The following HECW2 variants were observed in gnomAD, a reference collection of about 807,000 sequenced individuals.
HECW2 encodes the protein E3 ubiquitin-protein ligase HECW2.
HECW2 carries 61 observed loss-of-function variants against 175.2 expected under a neutral mutation model. The ratio of observed to expected loss-of-function variants is 0.35; its 90% CI spans 0.28 to 0.43. The LOEUF is 0.43. Among genes scored for constraint, HECW2 ranks in the 20% least tolerant of loss-of-function variants. The pLI, the probability that HECW2 is intolerant of heterozygous loss-of-function variation, is 1.00. For synonymous variants in HECW2, 671 were observed against 731.0 expected (o/e 0.92, Z 1.32); for missense variants, 1,524 against 2,000.5 (o/e 0.76, Z 4.54).
Position 196,437,976 on chromosome 2 carries a change from TG to T in HECW2, c.-35-4519del, listed in dbSNP as rs373314352. Among the ~76,000 whole-genome samples the T allele has an allele frequency of 9.3e-4, 141 of 152,192 alleles. 2 individuals carry two copies. In the Middle Eastern group the frequency reaches 0.024, roughly 26 times the overall value. On this transcript the variant is annotated intron_variant, in intron 1 of 28. Transcript: ENST00000644978. ...GGCTGGATGGCGAAGAGGAGGCATGTGGGGAGGGCAACATGGATTGAGACAG... is the reference window on the plus strand; with the variant it reads ...GGCTGGATGGCGAAGAGGAGGCATGTGGGAGGGCAACATGGATTGAGACAG...
At chr2:196,525,378 C>T (rs369691038) in intron 1 of HECW2, among the ~76,000 whole-genome samples, 17 of 93,808 alleles carry the variant, frequency 1.8e-4, no homozygotes, top group South Asian at 1.5e-3. Context: ...TGTCTCTGCA[C>T]GTGAGATGGG....
At chr2:196,354,675 T>C (rs769987037) in intron 2 of HECW2, among the ~76,000 whole-genome samples, 9 of 152,224 alleles carry the variant, frequency 5.9e-5, no homozygotes, top group Non-Finnish European at 8.8e-5. Context: ...TTATTCAGTG[T>C]AGAGAAAAAC....
chr2:196,208,460 C>T (rs1687146980), intron 28 of HECW2, among the ~76,000 whole-genome samples: 1 of 152,242 alleles, frequency 6.6e-6, no homozygotes, highest in Non-Finnish European at 1.5e-5. Flanking sequence ...AGATAAGGTA[C>T]TTGTTCTCAC....
At chr2:196,204,416 T>C (rs1227324533) in intron 28 of HECW2, among the ~76,000 whole-genome samples, 1 of 152,194 alleles carries the variant, frequency 6.6e-6, no homozygotes, top group Admixed American at 6.5e-5. Flanking sequence ...CCTTAGGATT[T>C]CTTATTAAAA....
chr2:196,339,637 G>C (rs1692674845), intron 3 of HECW2, among the ~76,000 whole-genome samples: 1 of 152,196 alleles, frequency 6.6e-6, no homozygotes, highest in African/African-American at 2.4e-5. Context: ...AGGAAGAACA[G>C]AAAGCAAATA....
At chr2:196,520,229 T>C (rs912263452) in intron 1 of HECW2, among the ~76,000 whole-genome samples, 4 of 151,722 alleles carry the variant, frequency 2.6e-5, no homozygotes, top group Non-Finnish European at 5.9e-5. Flanking sequence ...AAACTCTGTA[T>C]TATATTTGCA....
At chr2:196,396,687 G>A (rs1694668932) in intron 2 of HECW2, among the ~76,000 whole-genome samples, 1 of 152,176 alleles carries the variant, frequency 6.6e-6, no homozygotes, top group Non-Finnish European at 1.5e-5. Context: ...GCTCTGAAAT[G>A]TTAACAGAGA....
chr2:196,214,958 A>G (rs1008280429), intron 28 of HECW2, among the ~76,000 whole-genome samples: 1 of 152,184 alleles, frequency 6.6e-6, no homozygotes. Context: ...CTATACTTCA[A>G]TTTAGGATAA....
chr2:196,542,265 G>GAAAAAAAAAAAAAAAAAA (rs1181642124), intron 1 of HECW2, among the ~76,000 whole-genome samples: 1 of 92,320 alleles, frequency 1.1e-5, no homozygotes, highest in Non-Finnish European at 2.5e-5. Flanking sequence ...CTCTGTCTCA[G>GAAAAAAAAAAAAAAAAAA]AAAAAAAAAA....
chr2:196,279,755 C>A (rs1315571661), intron 14 of HECW2, among the ~76,000 whole-genome samples: 2 of 152,162 alleles, frequency 1.3e-5, no homozygotes, highest in Non-Finnish European at 2.9e-5. Context: ...TCATCACATA[C>A]CGTCTAGAAC....
chr2:196,210,342 G>A (rs954094745), intron 28 of HECW2, among the ~76,000 whole-genome samples: 1 of 151,948 alleles, frequency 6.6e-6, no homozygotes, highest in Non-Finnish European at 1.5e-5. Context: ...ACTCTAACAT[G>A]TTAACAGAGC....
At position 196,333,577 on chromosome 2, in the gene HECW2, T is replaced by A. The variant is rs139417438; in HGVS notation, c.495+847A>T. The stretch of plus-strand genomic sequence containing the variant: ...GTCATAGGAGTCAGTATTTTTTCTA[T>A]GCTTTCATGACCTCATTTTTAGTAA... On this transcript the variant is annotated intron_variant, in intron 4 of 28. Coordinates refer to ENST00000644978, the MANE Select transcript of HECW2 (RefSeq NM_001348768.2). Among the ~76,000 whole-genome samples, 522 of 152,334 alleles carry A rather than the reference T, an allele frequency of 3.4e-3. 2 individuals are homozygous for A. Among genetic ancestry groups the A allele is most frequent in the Admixed American group, 5.5e-3 (84 of 15,308 alleles).
intron 1 of HECW2, among the ~76,000 whole-genome samples, chr2:196,434,169 G>C (rs950853250): frequency 1.1e-4 from 16 of 152,136 alleles, no homozygotes; most frequent in Non-Finnish European, 2.2e-4. Context: ...CATCTGTTTT[G>C]TTGGCTACTT....
At chr2:196,244,315 T>C (rs1246547528) in intron 19 of HECW2, among the ~76,000 whole-genome samples, 1 of 152,210 alleles carries the variant, frequency 6.6e-6, no homozygotes, top group East Asian at 1.9e-4. Context: ...CTATACCTAG[T>C]CCTATAGATC....
chr2:196,306,479 G>A lies in HECW2; in HGVS notation c.2814+9C>T, dbSNP rs760999166. The stretch of plus-strand genomic sequence containing the variant: ...TTTTCCTTCACACTCTTTCAGATTC[G>A]CTACTCACAGGGTTAGAATGCAGCA... On this transcript the variant is annotated intron_variant, in intron 13 of 28. Transcript: ENST00000644978. 68 of 1,597,514 alleles carry A rather than the reference G, an allele frequency of 4.3e-5. No individual in the cohort carries two copies. The highest frequency in any genetic ancestry group is 5.0e-5 in the Non-Finnish European group (59 of 1,171,952).
chr2:196,331,410 C>A (rs1261470676), intron 4 of HECW2: 1 of 409,762 alleles, frequency 2.4e-6, no homozygotes, highest in Admixed American at 6.4e-5. Context: ...CCCTCGGTAA[C>A]CTGCCATTCC....
chr2:196,434,315 G>A (rs1171995392), intron 1 of HECW2, among the ~76,000 whole-genome samples: 3 of 152,046 alleles, frequency 2.0e-5, no homozygotes, highest in African/African-American at 7.2e-5. Context: ...TCCCTTTCCT[G>A]AGCCTGCCCC....
At chr2:196,286,518 T>C (rs563363509) in intron 14 of HECW2, among the ~76,000 whole-genome samples, 19 of 152,194 alleles carry the variant, frequency 1.2e-4, no homozygotes, top group African/African-American at 4.6e-4. Context: ...AGAAATTTAT[T>C]CATAAAACCG....
chr2:196,545,188 G>A (rs574340754), intron 1 of HECW2, among the ~76,000 whole-genome samples: 3 of 152,266 alleles, frequency 2.0e-5, no homozygotes, highest in African/African-American at 4.8e-5. Flanking sequence ...TCCCTCTTAC[G>A]AAATCACAAA....
Sources: gnomAD v4.1 joint callset for allele counts (sites outside exome capture counted in the v4.1 genomes callset) on GRCh38, gnomAD v4.1.1 for gene constraint, MANE v1.5 for transcripts, NCBI Gene and HGNC (gene_info 2026-07-23, HGNC 2026-07-21) for gene names.